MUC4: variants seen among roughly 807,000 people sequenced by gnomAD.
MUC4 encodes the protein mucin-4.
A neutral mutation model predicts 257.9 loss-of-function variants in MUC4; 202 were observed. The observed-to-expected ratio is 0.78, with a 90% CI of 0.70 to 0.88. The LOEUF (loss-of-function observed/expected upper bound fraction) is 0.88, where lower values mean the gene tolerates loss of function less well. Ranked by LOEUF, MUC4 falls within the 40% of genes least tolerant of loss-of-function variation. The pLI, the probability that MUC4 is intolerant of heterozygous loss-of-function variation, is 0.00. For missense variants in MUC4, 5,976 were observed against 6,513.7 expected (o/e 0.92, Z 2.84); for synonymous variants, 2,351 against 2,757.1 (o/e 0.85, Z 4.62).
In MUC4 at chr3:195,771,829, G is replaced by A. The variant is rs1354573430; in HGVS notation, c.13078-13C>T. On this transcript the variant is annotated splice_polypyrimidine_tract_variant and intron_variant, in intron 4 of 24. Coordinates refer to ENST00000463781, the MANE Select transcript of MUC4 (RefSeq NM_018406.7). ...CATTGTCTGTGAACTGAGCACATGG[G>A]TTTTGTGGTCAGCATTCAGGGAGGG... 6.2e-7 allele frequency: 1 copy of A among 1,611,770 alleles called. No individual in the cohort carries two copies. Among genetic ancestry groups the A allele is most frequent in the Non-Finnish European group, 8.5e-7 (1 of 1,178,210 alleles).
intron 14 of MUC4, 67 bp from the exon 15 acceptor site, chr3:195,761,652 G>C: frequency 7.8e-7 from 1 of 1,286,912 alleles, no homozygotes; most frequent in Non-Finnish European, 1.1e-6. Flanking sequence ...GGAGCATCCG[G>C]CGGACGCAGT....
In MUC4 at chr3:195,755,174, G is replaced by T. The variant is rs907970556; in HGVS notation, c.15169-802C>A. Among the ~76,000 whole-genome samples the T allele has an allele frequency of 2.0e-5, 3 of 151,316 alleles. No individual in the cohort carries two copies. The highest frequency in any genetic ancestry group is 4.4e-5 in the Non-Finnish European group (3 of 67,850). ...TGGGGCTACAGGCATGCACCACCAC[G>T]CCCACTAATTTTTGTATTTTTCTTC... On this transcript the variant is annotated intron_variant, in intron 18 of 24. Coordinates refer to ENST00000463781, the MANE Select transcript of MUC4 (RefSeq NM_018406.7). This position sits in a 1 kb window ranked among gnomAD's most constrained non-coding sequence, Gnocchi z 5.0.
At chr3:195,767,938 T>TACCACC (rs763983469) in intron 7 of MUC4, among the ~76,000 whole-genome samples, 6,602 of 66,342 alleles carry the variant, frequency 0.1, 765 homozygotes, top group African/African-American at 0.3. Flanking sequence ...CCACCGCCAC[T>TACCACC]ACCACCACCA....
chr3:195,783,224 G>A lies in MUC4; in HGVS notation c.8356C>T (p.His2786Tyr). Reference protein sequence around the residue: ...SVSTGHATPLHVTSPSSASTG... With the variant: ...SVSTGHATPLYVTSPSSASTG... ...GATGCTGAGGAAGGGCTGGTGACAT[G>A]AAGAGGGGTGGCGTGACCTGTGGAT... The change falls in exon 2 of 25, where the codon CAT becomes TAT. Residue 2786 changes from histidine (H) to tyrosine (Y), a missense_variant. Physicochemically the swap from His to Tyr is moderately conservative, Grantham distance 83. Transcript: ENST00000463781. 1 of 1,362,812 alleles carries A rather than the reference G, an allele frequency of 7.3e-7. No homozygotes were observed. Among genetic ancestry groups the A allele is most frequent in the Non-Finnish European group, 1.0e-6 (1 of 994,120 alleles). The allele number at this position is 1,362,812 out of a possible 1,614,324, so 84.4% of individuals were successfully genotyped here.
intron 7 of MUC4, among the ~76,000 whole-genome samples, chr3:195,767,685 TG>T (rs376029461): frequency 0.98 from 45,951 of 46,662 alleles, 22,666 homozygotes; most frequent in South Asian, 0.99. Flanking sequence ...CCACCATCAC[TG>T]GCCACCCCCC....
At chr3:195,800,179 G>A (rs2149064903) in intron 1 of MUC4, among the ~76,000 whole-genome samples, 1 of 152,180 alleles carries the variant, frequency 6.6e-6, no homozygotes, top group Admixed American at 6.5e-5. Context: ...TCAGGAGGCT[G>A]AGGCAGGAGA....
At chr3:195,800,438 T>C (rs1478736884) in intron 1 of MUC4, among the ~76,000 whole-genome samples, 1 of 152,186 alleles carries the variant, frequency 6.6e-6, no homozygotes, top group Middle Eastern at 3.2e-3. Context: ...GACATAGTTT[T>C]ATTGTCTAGG....
At position 195,781,757 on chromosome 3, in the gene MUC4, T is replaced by C; in HGVS notation, c.9823A>G (p.Thr3275Ala). The C allele has an allele frequency of 1.4e-6, 2 of 1,417,228 alleles. No homozygotes were observed. Among genetic ancestry groups the C allele is most frequent in the Non-Finnish European group, 1.9e-6 (2 of 1,071,848 alleles). The allele number at this position is 1,417,228 out of a possible 1,614,324, so 87.8% of individuals were successfully genotyped here. ...ACAGGAAGAGAGGTGGTGTCACCTG[T>C]GTATGCTGAGGAAGTGTCGGTGACA... ...LPVTDTSSAY[T>A]GDTTSLPVTD... is the part of the protein sequence containing the mutation. The change falls in exon 2 of 25, where the codon ACA becomes GCA. Residue 3275 changes from threonine to alanine, a missense_variant. Physicochemically the swap from Thr to Ala is moderately conservative, Grantham distance 58. Transcript: ENST00000463781.
Position 195,754,383 on chromosome 3 carries a change from G to T in MUC4, c.15169-11C>A. The T allele has an allele frequency of 6.2e-7, 1 of 1,600,056 alleles. No individual in the cohort carries two copies. The highest frequency in any genetic ancestry group is 8.5e-7 in the Non-Finnish European group (1 of 1,172,124). The stretch of plus-strand genomic sequence containing the variant: ...CTTGCAGCCAGCCACCTGGAGGAGG[G>T]TTGCCGATCACGGGCGGCCAGGAGA... On this transcript the variant is annotated splice_polypyrimidine_tract_variant and intron_variant, in intron 18 of 24. Coordinates refer to ENST00000463781, the MANE Select transcript of MUC4 (RefSeq NM_018406.7).
At chr3:195,807,718 C>T (rs1419431511) in intron 1 of MUC4, among the ~76,000 whole-genome samples, 2 of 152,122 alleles carry the variant, frequency 1.3e-5, no homozygotes, top group African/African-American at 2.4e-5. Flanking sequence ...GTGAGCTACA[C>T]GATGTGCATA....
chr3:195,761,243 C>T, intron 15 of MUC4, 126 bp from the exon 16 acceptor site: 2 of 885,212 alleles, frequency 2.3e-6, no homozygotes, highest in Non-Finnish European at 3.6e-6. Flanking sequence ...AGAGCGGTTT[C>T]CAGCTTCTGA....
rs897081003 is a variant in MUC4, at chr3:195,794,403, A to C, written c.83-2906T>G. Among the ~76,000 whole-genome samples, 396 of 152,026 alleles carry C rather than the reference A, an allele frequency of 2.6e-3. 2 individuals are homozygous for C. The highest frequency in any genetic ancestry group is 9.4e-3 in the African/African-American group (388 of 41,396). On this transcript the variant is annotated intron_variant, in intron 1 of 24. Transcript: ENST00000463781. ...AGAGAGAGAGAGAGAAGAAAGAGAG[A>C]GAGAGAGAAAGAAAGAGAGAGAGAG...
intron 14 of MUC4, 149 bp from the exon 15 acceptor site, chr3:195,761,734 G>C (rs1266376429): frequency 2.4e-5 from 16 of 657,936 alleles, no homozygotes; most frequent in Non-Finnish European, 3.4e-5. Flanking sequence ...CCGGGAGGAC[G>C]GGCCCTCACA....
chr3:195,769,298 A>C, intron 6 of MUC4, 146 bp from the exon 7 acceptor site: 1 of 1,262,164 alleles, frequency 7.9e-7, no homozygotes, highest in Non-Finnish European at 1.1e-6. Context: ...TGGGCCCAAA[A>C]TGCTGGCAAG....
rs367749099 is a variant in MUC4 at position 195,757,319 on chromosome 3, G to A, written c.14996C>T (p.Thr4999Met). 6 of 1,594,910 alleles carry A rather than the reference G, an allele frequency of 3.8e-6. No homozygotes were observed. Among genetic ancestry groups the A allele is most frequent in the African/African-American group, 2.7e-5 (2 of 74,594 alleles). Residue 4999 changes from threonine to methionine, a missense_variant, in exon 18 of 25, where the codon ACG becomes ATG. By Grantham distance (81) the Thr-to-Met change is moderately conservative. Around this residue, in one of 44 missense-constraint regions of MUC4, gnomAD observed 996 missense variants for 1,137.3 expected, o/e 0.88. Coordinates refer to ENST00000463781, the MANE Select transcript of MUC4 (RefSeq NM_018406.7). The surrounding 1 kb of genome is among the most constrained non-coding windows in gnomAD (Gnocchi z 4.8). ...CTDLELFENG[T>M]LLWTPKSLEP... The stretch of plus-strand genomic sequence containing the variant: ...CAGCGACTTGGGTGTCCACAGCAAC[G>A]TCCCATTCTCTGCCCCGGGGAAGAT...
At position 195,788,295 on chromosome 3, in the gene MUC4, G is replaced by A; in HGVS notation, c.3285C>T (p.Ser1095=). 6.5e-7 allele frequency: 1 copy of A among 1,548,300 alleles called. No homozygotes were observed. Among genetic ancestry groups the A allele is most frequent in the Non-Finnish European group, 8.7e-7 (1 of 1,145,928 alleles). ...DTTPLPVTDT[S]SASTGHATSL... Reference sequence around the variant, plus strand: ...AGGTGGCGTGACCTGTGGATGCTGAGGAAGTGTCAGTGACAGGAAGAGGGG... The same window carrying A: ...AGGTGGCGTGACCTGTGGATGCTGAAGAAGTGTCAGTGACAGGAAGAGGGG... Residue 1095 remains serine (S), a synonymous_variant, in exon 2 of 25, where the codon TCC becomes TCT. Transcript: ENST00000463781.
chr3:195,767,669 CCAT>C (rs1560263232), intron 7 of MUC4, among the ~76,000 whole-genome samples: 4 of 21,032 alleles, frequency 1.9e-4, no homozygotes, highest in African/African-American at 4.7e-4. Flanking sequence ...ACCACCATCA[CCAT>C]CACCACCATC....
In MUC4 at chr3:195,783,205, G is replaced by T. The variant is rs1377887504; in HGVS notation, c.8375C>A (p.Ser2792Ter). 7.2e-7 allele frequency: 1 copy of T among 1,382,804 alleles called. No individual in the cohort carries two copies. The highest frequency in any genetic ancestry group is 1.0e-6 in the Non-Finnish European group (1 of 1,004,588). The allele number at this position is 1,382,804 out of a possible 1,614,324, so 85.7% of individuals were successfully genotyped here. A position where few individuals can be genotyped will look rare whatever the true frequency, so the allele number is the denominator to read the frequency against. ...ATPLHVTSPS[S>*]ASTGHTTPLP... ...AGGGGTGGTGTGACCTGTGGATGCT[G>T]AGGAAGGGCTGGTGACATGAAGAGG... The change falls in exon 2 of 25, where the codon TCA becomes TAA. Residue 2792 changes from serine (S) to a stop codon, truncating the protein, a stop_gained. Transcript: ENST00000463781. LOFTEE classifies it high-confidence loss of function.
chr3:195,753,278 G>C (rs769718900), intron 19 of MUC4, 48 bp from the exon 20 acceptor site: 8 of 1,581,626 alleles, frequency 5.1e-6, no homozygotes, highest in Admixed American at 1.7e-5. Context: ...GGCAGCAGAG[G>C]GACGGCCCAG....
Sources: allele counts gnomAD v4.1 joint callset (sites outside exome capture counted in the v4.1 genomes callset), GRCh38; gene constraint gnomAD v4.1.1; regional missense constraint gnomAD v4.1.1; non-coding constraint Gnocchi (gnomAD v3.1); transcripts MANE v1.5; gene names NCBI Gene and HGNC (gene_info 2026-07-23, HGNC 2026-07-21).